MICU1: variants seen among roughly 807,000 people sequenced by gnomAD.
The protein encoded by MICU1 is mitochondrial calcium uptake 1, also known as calcium uptake protein 1, mitochondrial.
A neutral mutation model predicts 56.8 loss-of-function variants in MICU1; 45 were observed. The observed-to-expected ratio is 0.79, with a 90% confidence interval of 0.62 to 1.02. The LOEUF (loss-of-function observed/expected upper bound fraction) is 1.02. Among genes scored for constraint, MICU1 ranks in the 50% least tolerant of loss-of-function variants. The pLI is 0.00. For synonymous variants in MICU1, 186 were observed against 195.1 expected (o/e 0.95, Z 0.39); for missense variants, 504 against 587.1 (o/e 0.86, Z 1.46).
At chr10:72,461,428 C>G (rs1466998675) in intron 8 of MICU1, among the ~76,000 whole-genome samples, 1 of 152,154 alleles carries the variant, frequency 6.6e-6, no homozygotes. Context: ...CTGAGCAGTC[C>G]CCTGCTCTCT....
chr10:72,481,483 C>T (rs971747903), intron 6 of MICU1, among the ~76,000 whole-genome samples: 1 of 152,130 alleles, frequency 6.6e-6, no homozygotes, highest in Admixed American at 6.6e-5. Flanking sequence ...ATGATCTTGG[C>T]TCACTGCAGC....
intron 4 of MICU1, among the ~76,000 whole-genome samples, chr10:72,535,274 G>C (rs1430606912): frequency 6.6e-6 from 1 of 151,784 alleles, no homozygotes; most frequent in Non-Finnish European, 1.5e-5. Flanking sequence ...CCTAACCTCA[G>C]GTGATCCACC....
At chr10:72,524,476 T>C (rs1269507073) in intron 5 of MICU1, among the ~76,000 whole-genome samples, 1 of 152,238 alleles carries the variant, frequency 6.6e-6, no homozygotes, top group African/African-American at 2.4e-5. Context: ...TACAACAAAA[T>C]TTCTTAACCT....
chr10:72,551,006 GCAGGCTT>G (rs1840021892), intron 4 of MICU1, among the ~76,000 whole-genome samples, 166 bp downstream of exon 4: 1 of 152,268 alleles, frequency 6.6e-6, no homozygotes. Flanking sequence ...ACATTAGACT[GCAGGCTT>G]CTCTTTTGTA....
intron 5 of MICU1, among the ~76,000 whole-genome samples, chr10:72,521,468 C>G (rs1867819359): frequency 6.6e-6 from 1 of 152,056 alleles, no homozygotes; most frequent in Non-Finnish European, 1.5e-5. Context: ...TTACAGGTGT[C>G]AGCATCTCAT....
chr10:72,407,143 G>T (rs1382159045), intron 10 of MICU1, among the ~76,000 whole-genome samples: 2 of 152,048 alleles, frequency 1.3e-5, no homozygotes, highest in Non-Finnish European at 2.9e-5. Context: ...AACTGTGAAG[G>T]GGACTGAAAG....
intron 8 of MICU1, among the ~76,000 whole-genome samples, chr10:72,456,827 G>C (rs1865472466): frequency 6.7e-6 from 1 of 149,094 alleles, no homozygotes; most frequent in African/African-American, 2.5e-5. Flanking sequence ...TAGCTGGGAT[G>C]CACCACCATG....
intron 1 of MICU1, among the ~76,000 whole-genome samples, chr10:72,600,661 A>AAAG (rs948851490): frequency 2.6e-5 from 4 of 151,824 alleles, no homozygotes; most frequent in African/African-American, 9.7e-5. Flanking sequence ...AAAAAAAAAA[A>AAAG]AAAAAGAAAA....
intron 1 of MICU1, among the ~76,000 whole-genome samples, chr10:72,569,233 A>ATTTTTTTTTTTTTTTTTT (rs1231227018): frequency 2.5e-5 from 1 of 40,332 alleles, no homozygotes; most frequent in Admixed American, 2.8e-4. Flanking sequence ...ATATATATAT[A>ATTTTTTTTTTTTTTTTTT]TATATTTTTT....
intron 11 of MICU1, among the ~76,000 whole-genome samples, chr10:72,371,757 A>G (rs1464276550): frequency 6.6e-6 from 1 of 150,546 alleles, no homozygotes; most frequent in Non-Finnish European, 1.5e-5. Flanking sequence ...AGAAAAAAAT[A>G]TATATATATA....
At position 72,369,859 on chromosome 10, in the gene MICU1, C is replaced by A. The variant is rs1862270589; in HGVS notation, c.1271-1504G>T. Among the ~76,000 whole-genome samples the A allele has an allele frequency of 1.3e-5, 2 of 151,804 alleles. 1 individual carries two copies. The highest frequency in any genetic ancestry group is 4.8e-5 in the African/African-American group (2 of 41,314). ...GAGTAGCTGCAACTAGAGGCGCATG[C>A]CACCATGCCCGGCTAATTTTTGTAC... On this transcript the variant is annotated intron_variant, in intron 11 of 11. Transcript: ENST00000361114.
chr10:72,504,188 G>T (rs1180040177), intron 6 of MICU1, among the ~76,000 whole-genome samples: 1 of 151,994 alleles, frequency 6.6e-6, no homozygotes. Context: ...GCAATCCTAA[G>T]CGAAAAGAGG....
intron 6 of MICU1, among the ~76,000 whole-genome samples, chr10:72,490,923 C>T (rs1229525097): frequency 2.6e-5 from 4 of 152,178 alleles, no homozygotes; most frequent in Non-Finnish European, 5.9e-5. Context: ...TCGTCCAGAT[C>T]TGAGGGCTTC....
intron 4 of MICU1, among the ~76,000 whole-genome samples, chr10:72,549,257 C>T (rs1839972875): frequency 6.9e-6 from 1 of 145,228 alleles, no homozygotes; most frequent in Admixed American, 7.1e-5. Context: ...GTGGTGTCAT[C>T]TTGGCACACT....
chr10:72,368,393 G>A (rs1464327970), intron 11 of MICU1, 38 bp from the exon 12 acceptor site: 5 of 1,594,904 alleles, frequency 3.1e-6, no homozygotes, highest in Non-Finnish European at 4.3e-6. Flanking sequence ...ATAAGTGTTG[G>A]CCTTGGAACA....
intron 6 of MICU1, among the ~76,000 whole-genome samples, chr10:72,498,083 G>A (rs1353255833): frequency 6.6e-6 from 1 of 152,186 alleles, no homozygotes; most frequent in Non-Finnish European, 1.5e-5. Context: ...GATTTAATGT[G>A]AACATTGCTT....
At chr10:72,368,859 C>T (rs1041249497) in intron 11 of MICU1, among the ~76,000 whole-genome samples, 4 of 152,068 alleles carry the variant, frequency 2.6e-5, no homozygotes, top group African/African-American at 9.7e-5. Context: ...GGAGGCATTC[C>T]AGGGAGGAGA....
chr10:72,481,690 G>T (rs921421759), intron 6 of MICU1, among the ~76,000 whole-genome samples: 1 of 152,178 alleles, frequency 6.6e-6, no homozygotes, highest in Non-Finnish European at 1.5e-5. Context: ...GGGATTACAG[G>T]CGTGAGCCAC....
At chr10:72,436,567 G>A (rs1476986471) in intron 8 of MICU1, among the ~76,000 whole-genome samples, 3 of 152,160 alleles carry the variant, frequency 2.0e-5, no homozygotes, top group Non-Finnish European at 4.4e-5. Context: ...TGACTTTGAC[G>A]AGTTGACAGA....
Sources: gnomAD v4.1 joint callset for allele counts (sites outside exome capture counted in the v4.1 genomes callset) on GRCh38, gnomAD v4.1.1 for gene constraint, MANE v1.5 for transcripts, NCBI Gene and HGNC (gene_info 2026-07-23, HGNC 2026-07-21) for gene names.